SMARCA4: variants seen among roughly 807,000 people sequenced by gnomAD.
SMARCA4 encodes the protein SWI/SNF related BAF chromatin remodeling complex subunit ATPase 4.
Under a neutral mutation model 193.9 loss-of-function variants are expected in SMARCA4, and 31 were observed. The ratio of observed to expected loss-of-function variants is 0.16; its 90% confidence interval spans 0.12 to 0.22. The LOEUF (loss-of-function observed/expected upper bound fraction) is 0.22. Among genes scored for constraint, SMARCA4 ranks in the 10% least tolerant of loss-of-function variants. The pLI is 1.00. For synonymous variants in SMARCA4, 942 were observed against 933.1 expected (o/e 1.01, Z -0.17); for missense variants, 1,148 against 2,296.0 (o/e 0.50, Z 10.22).
Position 11,058,971 on chromosome 19 carries a change from T to G in SMARCA4, c.4635+82T>G. 1 of 1,115,902 alleles carries G rather than the reference T, an allele frequency of 9.0e-7. No homozygotes were observed. Among genetic ancestry groups the G allele is most frequent in the Non-Finnish European group, 1.3e-6 (1 of 742,204 alleles). 69.1% of individuals were successfully genotyped at this position (1,115,902 alleles called of 1,614,324 possible). On this transcript the variant is annotated intron_variant, in intron 32 of 34. Transcript: ENST00000344626. The surrounding 1 kb of genome is among the most constrained non-coding windows in gnomAD (Gnocchi z 5.8). ...AACCCGCCCCTCCTTCCCTTCTGAA[T>G]TGATGGGTTAAAAACAAGTCCCGCT...
chr19:10,984,410 C>T lies in SMARCA4; in HGVS notation c.222+37C>T, dbSNP rs954357343. On this transcript the variant is annotated intron_variant, in intron 2 of 34. Transcript: ENST00000344626. This position sits in a 1 kb window ranked among gnomAD's most constrained non-coding sequence, Gnocchi z 4.3. ...TGTGCCCGCCTCGCACCTGCGGCCT[C>T]TGCCCACTAGGGCTGCAGGCAGCCT... The T allele has an allele frequency of 1.7e-5, 27 of 1,553,452 alleles. No individual in the cohort carries two copies. Among genetic ancestry groups the T allele is most frequent in the African/African-American group, 9.6e-5 (7 of 73,184 alleles).
chr19:10,977,313 T>G (rs1004773695), intron 1 of SMARCA4, among the ~76,000 whole-genome samples: 6 of 150,544 alleles, frequency 4.0e-5, no homozygotes, highest in African/African-American at 1.2e-4. Flanking sequence ...CGGACTCGAG[T>G]TTTTTTTTGT....
At chr19:10,983,370 A>C (rs992674993) in intron 1 of SMARCA4, 1 of 151,778 alleles carries the variant, frequency 6.6e-6, no homozygotes, top group Non-Finnish European at 1.5e-5. Context: ...TCAATGGAAA[A>C]CCAGCAGTAT....
chr19:11,042,779 G>A lies in SMARCA4; in HGVS notation c.4424+1219G>A, dbSNP rs150068543. On this transcript the variant is annotated intron_variant, in intron 30 of 34. Coordinates refer to ENST00000344626, the MANE Select transcript of SMARCA4 (RefSeq NM_003072.5). ...AGGTGGGAGGATCACTTGAGGTCAG[G>A]AGTTTGAGACCAGCATGGACAACAT... Among the ~76,000 whole-genome samples the A allele has an allele frequency of 2.0e-4, 30 of 152,248 alleles. No individual in the cohort carries two copies. The East Asian group carries it at 5.8e-3, about 29-fold the overall frequency.
At position 10,984,135 on chromosome 19, in the gene SMARCA4, C is replaced by G. The variant is rs1056603829; in HGVS notation, c.-17C>G. On this transcript the variant is annotated 5_prime_UTR_variant, in exon 2 of 35. Coordinates refer to ENST00000344626, the MANE Select transcript of SMARCA4 (RefSeq NM_003072.5). The surrounding 1 kb of genome is among the most constrained non-coding windows in gnomAD (Gnocchi z 4.3). ...CTGTCTTCCAGCAGGAGGCCACTGT[C>G]TGCAGCTCCCGTGAAGATGTCCACT... is the stretch of plus-strand genomic sequence containing the variant. The G allele has an allele frequency of 1.2e-5, 19 of 1,613,668 alleles. No individual in the cohort carries two copies. Among genetic ancestry groups the G allele is most frequent in the Non-Finnish European group, 1.6e-5 (19 of 1,179,946 alleles).
intron 30 of SMARCA4, among the ~76,000 whole-genome samples, chr19:11,042,322 A>G (rs1028861641): frequency 2.6e-5 from 4 of 152,248 alleles, no homozygotes; most frequent in Non-Finnish European, 5.9e-5. Context: ...GAAGAAAGGA[A>G]TGTTCTCAGC....
rs535105475 is a variant in SMARCA4, at chr19:11,058,055, G to A, written c.4425-200G>A. ...TGGGAGGTGGAGGTTGCAGTGAGCC[G>A]AGATCGCACCATTGCACTCCAGCCT... On this transcript the variant is annotated intron_variant, in intron 30 of 34. Coordinates refer to ENST00000344626, the MANE Select transcript of SMARCA4 (RefSeq NM_003072.5). The surrounding 1 kb of genome is among the most constrained non-coding windows in gnomAD (Gnocchi z 5.8). Among the ~76,000 whole-genome samples, 40 of 151,608 alleles carry A rather than the reference G, an allele frequency of 2.6e-4. No individual in the cohort carries two copies. In the South Asian group the frequency reaches 5.4e-3, roughly 21 times the overall value.
chr19:11,048,761 A>T (rs1048587136), intron 30 of SMARCA4, among the ~76,000 whole-genome samples: 12 of 152,176 alleles, frequency 7.9e-5, no homozygotes, highest in Non-Finnish European at 1.3e-4. Context: ...ATCGTTGGAG[A>T]TACTTGCAGC....
intron 1 of SMARCA4, among the ~76,000 whole-genome samples, chr19:10,964,572 C>A (rs2084061455): frequency 6.6e-6 from 1 of 151,646 alleles, no homozygotes; most frequent in African/African-American, 2.4e-5. Flanking sequence ...TGGCCCTTGG[C>A]CTCCCAAAGT....
rs2086004281 is a variant in SMARCA4 at position 10,986,127 on chromosome 19, G to C, written c.356-62G>C. On this transcript the variant is annotated intron_variant, in intron 3 of 34. Coordinates refer to ENST00000344626, the MANE Select transcript of SMARCA4 (RefSeq NM_003072.5). This position sits in a 1 kb window ranked among gnomAD's most constrained non-coding sequence, Gnocchi z 6.7. ...AGAGTAGGAGCTGGTGTAGGGGGAA[G>C]AGGCTGTAAAAATCACAGACATATG... 4.4e-6 allele frequency: 6 copies of C among 1,361,768 alleles called. No homozygotes were observed. Among genetic ancestry groups the C allele is most frequent in the Non-Finnish European group, 6.3e-6 (6 of 951,698 alleles). 84.4% of individuals were successfully genotyped at this position (1,361,768 alleles called of 1,614,324 possible).
intron 1 of SMARCA4, among the ~76,000 whole-genome samples, chr19:10,972,548 G>T (rs1004498519): frequency 1.1e-4 from 16 of 152,256 alleles, no homozygotes; most frequent in Middle Eastern, 3.4e-3. Flanking sequence ...CCAGCTTGGT[G>T]CATTCAGCGC....
rs959224822 is a variant in SMARCA4 at position 10,974,474 on chromosome 19, A to G, written c.-31-9647A>G. 2.0e-5 allele frequency among the ~76,000 whole-genome samples: 3 copies of G among 146,918 alleles called. No individual in the cohort carries two copies. In the Admixed American group the frequency reaches 2.0e-4, roughly 10 times the overall value. ...TTAGGCTTTTTTTTTTTTTCTTGGA[A>G]GTTTTTCTTTAAAAATCTGAATATA... On this transcript the variant is annotated intron_variant, in intron 1 of 34. Coordinates refer to ENST00000344626, the MANE Select transcript of SMARCA4 (RefSeq NM_003072.5).
chr19:10,991,444 C>T, intron 8 of SMARCA4, 121 bp downstream of exon 8: 1 of 1,457,696 alleles, frequency 6.9e-7, no homozygotes, highest in Non-Finnish European at 9.3e-7. Flanking sequence ...CTCTCTTTTG[C>T]TCATTGTAAC....
Position 11,021,595 on chromosome 19 carries a change from T to G in SMARCA4, c.2617-130T>G, listed in dbSNP as rs547223740. On this transcript the variant is annotated intron_variant, in intron 18 of 34. Coordinates refer to ENST00000344626, the MANE Select transcript of SMARCA4 (RefSeq NM_003072.5). ...CAGCCCCGGGGCAGGACGTCAGGCC[T>G]GTGCTCTCCACCCAGCTGCGCTCTT... 5.9e-6 allele frequency: 7 copies of G among 1,182,222 alleles called. No homozygotes were observed. In the East Asian group the frequency reaches 1.5e-4, roughly 26 times the overall value. 73.2% of individuals were successfully genotyped at this position (1,182,222 alleles called of 1,614,324 possible).
intron 29 of SMARCA4, among the ~76,000 whole-genome samples, chr19:11,035,568 C>G (rs1419175861): frequency 2.6e-5 from 4 of 152,330 alleles, no homozygotes; most frequent in East Asian, 1.9e-4. Flanking sequence ...GCAAGTCCCC[C>G]CCCATGAGCT....
chr19:11,034,795 G>A lies in SMARCA4; in HGVS notation c.3952-119G>A, dbSNP rs141797680. 8.6e-4 allele frequency: 634 copies of A among 739,048 alleles called. 3 individuals are homozygous for A. In the African/African-American group the frequency reaches 9.5e-3, roughly 11 times the overall value. 45.8% of individuals were successfully genotyped at this position (739,048 alleles called of 1,614,324 possible). A position where few individuals can be genotyped will look rare whatever the true frequency, so the allele number is the denominator to read the frequency against. On this transcript the variant is annotated intron_variant, in intron 28 of 34. Transcript: ENST00000344626. The surrounding 1 kb of genome is among the most constrained non-coding windows in gnomAD (Gnocchi z 7.0). ...AATCGAGAGCTACTGTTTAACTCTC[G>A]CAGCAGCGTGGAGCCCCACGGGCAG...
rs537575241 is a variant in SMARCA4 at position 11,019,809 on chromosome 19, C to G, written c.2616+108C>G. The G allele has an allele frequency of 1.2e-6, 1 of 802,528 alleles. No homozygotes were observed. The highest frequency in any genetic ancestry group is 2.7e-5 in the East Asian group (1 of 37,726). 49.7% of individuals were successfully genotyped at this position (802,528 alleles called of 1,614,324 possible). A position where few individuals can be genotyped will look rare whatever the true frequency, so the allele number is the denominator to read the frequency against. On this transcript the variant is annotated intron_variant, in intron 18 of 34. Transcript: ENST00000344626. The surrounding 1 kb of genome is among the most constrained non-coding windows in gnomAD (Gnocchi z 6.1). Reference sequence around the variant, plus strand: ...TACAAGTTTCTTCCCGGAGTCCCACCTGCATGTGCGTGAAGACAGCTGCCC... The same window carrying G: ...TACAAGTTTCTTCCCGGAGTCCCACGTGCATGTGCGTGAAGACAGCTGCCC...
intron 1 of SMARCA4, among the ~76,000 whole-genome samples, chr19:10,982,284 A>G (rs989008574): frequency 6.6e-6 from 1 of 151,972 alleles, no homozygotes; most frequent in African/African-American, 2.4e-5. Context: ...GACCAGCCTG[A>G]ATAACATGGT....
intron 30 of SMARCA4, among the ~76,000 whole-genome samples, chr19:11,044,994 A>G (rs910097022): frequency 2.0e-5 from 3 of 152,216 alleles, no homozygotes; most frequent in Non-Finnish European, 2.9e-5. Flanking sequence ...GAAGAAGCTT[A>G]CATTTTGTTG....
Sources: gnomAD v4.1 joint callset for allele counts (sites outside exome capture counted in the v4.1 genomes callset) on GRCh38, gnomAD v4.1.1 for gene constraint, Gnocchi (gnomAD v3.1) non-coding constraint, MANE v1.5 for transcripts, NCBI Gene and HGNC (gene_info 2026-07-23, HGNC 2026-07-21) for gene names.